RERE: variants seen among roughly 807,000 people sequenced by gnomAD.
RERE encodes arginine-glutamic acid dipeptide repeats, also known as arginine-glutamic acid dipeptide repeats protein.
A neutral mutation model predicts 146.1 loss-of-function variants in RERE; 40 were observed. That is an observed-to-expected ratio of 0.27 (90% CI 0.21 to 0.36). The LOEUF (loss-of-function observed/expected upper bound fraction) is 0.36. RERE is among the 10% of genes least tolerant of loss of function. RERE has a pLI of 1.00. For missense variants in RERE, 1,933 were observed against 2,138.7 expected (o/e 0.90, Z 1.90); for synonymous variants, 1,003 against 866.0 (o/e 1.16, Z -2.78).
chr1:8,647,955 T>A (rs1478216790), intron 2 of RERE, among the ~76,000 whole-genome samples: 1 of 152,192 alleles, frequency 6.6e-6, no homozygotes, highest in Non-Finnish European at 1.5e-5. Context: ...TTACTTTTTC[T>A]TTTAAGGCAA....
In RERE at chr1:8,711,341, G is replaced by A. The variant is rs181752785; in HGVS notation, c.-144-54900C>T. ...ACTGTTATGACATTAGTCATCAATC[G>A]AAGGTCAGGCCTGGAGGTTTTAGTT... is the stretch of plus-strand genomic sequence containing the variant. On this transcript the variant is annotated intron_variant, in intron 1 of 22. Coordinates refer to ENST00000400908, the MANE Select transcript of RERE (RefSeq NM_001042681.2). 5.3e-5 allele frequency among the ~76,000 whole-genome samples: 8 copies of A among 152,174 alleles called. 1 individual carries two copies. The highest frequency in any genetic ancestry group is 1.3e-4 in the Admixed American group (2 of 15,290).
At chr1:8,591,147 C>G (rs1183011310) in intron 4 of RERE, among the ~76,000 whole-genome samples, 1 of 152,188 alleles carries the variant, frequency 6.6e-6, no homozygotes, top group Admixed American at 6.5e-5. Flanking sequence ...GACATCAGAT[C>G]TACTACATCA....
intron 2 of RERE, among the ~76,000 whole-genome samples, chr1:8,639,282 G>A (rs1647144613): frequency 6.6e-6 from 1 of 152,138 alleles, no homozygotes; most frequent in Non-Finnish European, 1.5e-5. Context: ...CCTGACAACT[G>A]GGAGATAATA....
At chr1:8,477,655 A>G (rs1355978337) in intron 10 of RERE, among the ~76,000 whole-genome samples, 1 of 152,228 alleles carries the variant, frequency 6.6e-6, no homozygotes, top group African/African-American at 2.4e-5. Flanking sequence ...ACACAAAAAC[A>G]CAAAATCAAG....
At chr1:8,628,414 T>G (rs1646999292) in intron 2 of RERE, among the ~76,000 whole-genome samples, 1 of 152,222 alleles carries the variant, frequency 6.6e-6, no homozygotes, top group Non-Finnish European at 1.5e-5. Context: ...AAAAATACAC[T>G]GCTTTGACCT....
chr1:8,732,588 A>G (rs1640107860), intron 1 of RERE, among the ~76,000 whole-genome samples: 3 of 152,208 alleles, frequency 2.0e-5, no homozygotes, highest in African/African-American at 4.8e-5. Flanking sequence ...GGATAAGCAC[A>G]TGACATTTAC....
intron 11 of RERE, among the ~76,000 whole-genome samples, chr1:8,458,632 T>G (rs567470778): frequency 2.6e-5 from 4 of 152,144 alleles, no homozygotes; most frequent in African/African-American, 2.4e-5. Flanking sequence ...CAAGGTATGC[T>G]GGCTTTTATT....
intron 3 of RERE, among the ~76,000 whole-genome samples, chr1:8,623,815 G>A (rs993499213): frequency 6.6e-6 from 1 of 152,060 alleles, no homozygotes; most frequent in Non-Finnish European, 1.5e-5. Context: ...ACTTTACCAC[G>A]CCCAAGCCAG....
chr1:8,760,319 G>A (rs959668191), intron 1 of RERE, among the ~76,000 whole-genome samples: 2 of 152,216 alleles, frequency 1.3e-5, no homozygotes, highest in East Asian at 3.8e-4. Flanking sequence ...AAGCCACTGC[G>A]CCCAGCCCCT....
At chr1:8,414,673 T>TG (rs929255981) in intron 12 of RERE, among the ~76,000 whole-genome samples, 15 of 115,654 alleles carry the variant, frequency 1.3e-4, no homozygotes, top group African/African-American at 3.7e-4. Context: ...ATTTCCAAAG[T>TG]GGGGGGGTCG....
chr1:8,551,585 ACT>A (rs993880282), intron 6 of RERE, among the ~76,000 whole-genome samples: 1 of 152,226 alleles, frequency 6.6e-6, no homozygotes. Flanking sequence ...ACTTAATTTC[ACT>A]TTTTCTTTTC....
At chr1:8,542,640 T>G (rs1425677102) in intron 6 of RERE, among the ~76,000 whole-genome samples, 1 of 152,096 alleles carries the variant, frequency 6.6e-6, no homozygotes, top group Non-Finnish European at 1.5e-5. Flanking sequence ...TTGGGCAACA[T>G]TAGTTGAGAC....
At chr1:8,583,942 C>T (rs920321077) in intron 4 of RERE, among the ~76,000 whole-genome samples, 2 of 151,818 alleles carry the variant, frequency 1.3e-5, no homozygotes, top group African/African-American at 2.4e-5. Context: ...CAGAATAACA[C>T]CCCTACAGAC....
chr1:8,527,769 C>T (rs1645587553), intron 7 of RERE, among the ~76,000 whole-genome samples: 1 of 152,188 alleles, frequency 6.6e-6, no homozygotes, highest in African/African-American at 2.4e-5. Context: ...GCCACCAAGA[C>T]AGACAGCCCT....
At chr1:8,371,966 T>C (rs1213283406) in intron 12 of RERE, among the ~76,000 whole-genome samples, 5 of 152,240 alleles carry the variant, frequency 3.3e-5, no homozygotes, top group Non-Finnish European at 4.4e-5. Context: ...CCAACTTACC[T>C]GTGCGCATTT....
Position 8,359,052 on chromosome 1 carries a change from C to T in RERE, c.3619-136G>A, listed in dbSNP as rs374587765. On this transcript the variant is annotated intron_variant, in intron 19 of 22. Transcript: ENST00000400908. ...ACCTGGTCCCTCCACGGAGACCCGG[C>T]CCTGCCTTGGCCTGACACCAGGATG... is the stretch of plus-strand genomic sequence containing the variant. 5 of 1,166,730 alleles carry T rather than the reference C, an allele frequency of 4.3e-6. No individual in the cohort carries two copies. In the East Asian group the frequency reaches 1.1e-4, roughly 26 times the overall value. The allele number at this position is 1,166,730 out of a possible 1,614,324, so 72.3% of individuals were successfully genotyped here. A position where few individuals can be genotyped will look rare whatever the true frequency, so the allele number is the denominator to read the frequency against.
chr1:8,552,879 C>T (rs1018227922), intron 6 of RERE, among the ~76,000 whole-genome samples: 6 of 151,282 alleles, frequency 4.0e-5, no homozygotes, highest in African/African-American at 7.3e-5. Context: ...TGGGCCAGCA[C>T]GTCCACACAC....
At chr1:8,638,919 A>G (rs1194678505) in intron 2 of RERE, among the ~76,000 whole-genome samples, 3 of 149,878 alleles carry the variant, frequency 2.0e-5, no homozygotes, top group Admixed American at 6.7e-5. Flanking sequence ...GACTACAGGC[A>G]CCCGCCAACA....
intron 1 of RERE, among the ~76,000 whole-genome samples, chr1:8,671,124 C>T (rs1490120777): frequency 6.6e-6 from 1 of 152,136 alleles, no homozygotes; most frequent in East Asian, 1.9e-4. Context: ...TGGGCTAGAC[C>T]TAAATCTAGG....
Sources: gnomAD v4.1 joint callset for allele counts (sites outside exome capture counted in the v4.1 genomes callset) on GRCh38, gnomAD v4.1.1 for gene constraint, MANE v1.5 for transcripts, NCBI Gene and HGNC (gene_info 2026-07-23, HGNC 2026-07-21) for gene names.